CELF2: variants seen among roughly 807,000 people sequenced by gnomAD.
The protein encoded by CELF2 is CUG triplet repeat RNA-binding protein 2.
CELF2 carries 8 observed loss-of-function variants against 62.6 expected under a neutral mutation model. The observed-to-expected ratio is 0.13, with a 90% CI of 0.07 to 0.23. The LOEUF is 0.23. Ranked by LOEUF, CELF2 falls within the 10% of genes least tolerant of loss-of-function variation. The pLI is 1.00. For missense variants in CELF2, 333 were observed against 671.0 expected (o/e 0.50, Z 5.56); for synonymous variants, 258 against 250.0 (o/e 1.03, Z -0.30).
At chr10:10,601,761 A>G in the CELF2 span, among the ~76,000 whole-genome samples, 1 of 150,048 alleles carries the variant, frequency 6.7e-6, no homozygotes, top group Non-Finnish European at 1.5e-5. Context: ...TCCGGGGTAC[A>G]TGTGCAGGAT....
intron 1 of CELF2, among the ~76,000 whole-genome samples, chr10:10,894,003 G>A (rs1356734851): frequency 6.6e-6 from 1 of 152,122 alleles, no homozygotes; most frequent in African/African-American, 2.4e-5. Flanking sequence ...GAATCAGAGA[G>A]CGTTCTTGGA....
the CELF2 span, among the ~76,000 whole-genome samples, chr10:10,512,804 A>C: frequency 5.3e-5 from 8 of 152,156 alleles, no homozygotes; most frequent in Non-Finnish European, 4.4e-5. Context: ...TTGTCTCTTT[A>C]GTTCCTCTAC....
intron 1 of CELF2, among the ~76,000 whole-genome samples, chr10:11,129,378 T>C (rs891334814): frequency 6.6e-6 from 1 of 152,230 alleles, no homozygotes; most frequent in East Asian, 1.9e-4. Context: ...GGTATCAGGA[T>C]GATGCTGGCC....
Position 11,268,467 on chromosome 10 carries a change from C to G in CELF2, c.618+1790C>G, listed in dbSNP as rs1160600305. ...ACGGGAGACCATGTTCCCCTGTGTT[C>G]CTGTAGAAGGAGGACTCTGGATCAT... is the stretch of plus-strand genomic sequence containing the variant. On this transcript the variant is annotated intron_variant, in intron 6 of 12. Transcript: ENST00000633077. This position sits in a 1 kb window ranked among gnomAD's most constrained non-coding sequence, Gnocchi z 4.7. Among the ~76,000 whole-genome samples the G allele has an allele frequency of 6.6e-6, 1 of 152,108 alleles. No individual in the cohort carries two copies. The highest frequency in any genetic ancestry group is 1.5e-5 in the Non-Finnish European group (1 of 68,020).
At chr10:10,661,671 C>T in the CELF2 span, among the ~76,000 whole-genome samples, 1 of 152,112 alleles carries the variant, frequency 6.6e-6, no homozygotes, top group East Asian at 1.9e-4. Flanking sequence ...AAAGTTAGAA[C>T]ATCATCATAG....
intron 2 of CELF2, chr10:10,927,042 T>C (rs2065545512): frequency 6.6e-6 from 1 of 152,128 alleles, no homozygotes; most frequent in South Asian, 2.1e-4. Context: ...TTGACTGGCC[T>C]CTGCAGGTTG....
Position 11,211,215 on chromosome 10 carries a change from G to A in CELF2, c.272-6210G>A, listed in dbSNP as rs553411145. Reference sequence around the variant, plus strand: ...GATGACTTTAGCTCAGGAGTTCGAAGTTAAAGTGAACTATGATTGCACCAC... The same window carrying A: ...GATGACTTTAGCTCAGGAGTTCGAAATTAAAGTGAACTATGATTGCACCAC... On this transcript the variant is annotated intron_variant, in intron 2 of 12. Transcript: ENST00000633077. The surrounding 1 kb of genome is among the most constrained non-coding windows in gnomAD (Gnocchi z 4.8). Among the ~76,000 whole-genome samples the A allele has an allele frequency of 2.0e-5, 3 of 152,352 alleles. No individual in the cohort carries two copies. The South Asian group carries it at 6.2e-4, about 32-fold the overall frequency.
chr10:10,938,699 A>G lies in CELF2; in HGVS notation c.89+18700A>G, dbSNP rs1329096456. Reference sequence around the variant, plus strand: ...AAGAAGATCCTGAGACAAGAATTTGAGTCTAAGGACATGAGGGAGGGGGAT... The same window carrying G: ...AAGAAGATCCTGAGACAAGAATTTGGGTCTAAGGACATGAGGGAGGGGGAT... On this transcript the variant is annotated intron_variant, in intron 2 of 13. Transcript: ENST00000636488. The surrounding 1 kb of genome is among the most constrained non-coding windows in gnomAD (Gnocchi z 4.2). 6.6e-6 allele frequency among the ~76,000 whole-genome samples: 1 copy of G among 151,932 alleles called. No homozygotes were observed. The highest frequency in any genetic ancestry group is 2.4e-5 in the African/African-American group (1 of 41,342).
intron 1 of CELF2, among the ~76,000 whole-genome samples, chr10:11,054,066 C>T (rs1224207288): frequency 6.6e-6 from 1 of 152,034 alleles, no homozygotes; most frequent in Non-Finnish European, 1.5e-5. Flanking sequence ...GTATAATTTC[C>T]AGTATCTTTA....
chr10:10,581,897 G>A, the CELF2 span, among the ~76,000 whole-genome samples: 1 of 152,086 alleles, frequency 6.6e-6, no homozygotes, highest in Admixed American at 6.6e-5. Flanking sequence ...GCATGGTGGT[G>A]GGTGCCTGTA....
rs1304050621 is a variant in CELF2, at chr10:11,288,410, C to T, written c.842-8C>T. The T allele has an allele frequency of 1.2e-6, 2 of 1,613,774 alleles. No homozygotes were observed. The highest frequency in any genetic ancestry group is 1.3e-5 in the African/African-American group (1 of 75,044). On this transcript the variant is annotated splice_region_variant and splice_polypyrimidine_tract_variant and intron_variant, in intron 8 of 12. Coordinates refer to ENST00000633077, the MANE Select transcript of CELF2 (RefSeq NM_001326342.2). ...GTTGCTGAAAGTAACTTTCTCTTCC[C>T]TCCACAGGCATGAATGCTTTACAGT...
intron 9 of CELF2, among the ~76,000 whole-genome samples, chr10:11,299,374 C>A (rs1027498859): frequency 3.5e-5 from 5 of 141,012 alleles, no homozygotes; most frequent in African/African-American, 8.1e-5. Flanking sequence ...GACCTCTTGC[C>A]CCCTGCTACC....
intron 9 of CELF2, among the ~76,000 whole-genome samples, chr10:11,304,502 G>A (rs551934867): frequency 6.6e-6 from 1 of 152,342 alleles, no homozygotes; most frequent in South Asian, 2.1e-4. Context: ...CAGTGCATCT[G>A]GTGAGGGCCT....
upstream of CELF2, chr10:10,798,588 A>T: frequency 2.5e-6 from 1 of 395,674 alleles, no homozygotes; most frequent in Non-Finnish European, 4.4e-6. Context: ...GGGACGGAGG[A>T]GAGCGCAGGA....
At chr10:10,872,161 T>G (rs987355061) in intron 1 of CELF2, among the ~76,000 whole-genome samples, 8 of 152,184 alleles carry the variant, frequency 5.3e-5, no homozygotes, top group African/African-American at 1.9e-4. Context: ...TAGACTATGG[T>G]TGGAATCTTT....
chr10:11,282,231 T>C (rs757947936), intron 8 of CELF2, among the ~76,000 whole-genome samples: 9 of 150,412 alleles, frequency 6.0e-5, no homozygotes, highest in Non-Finnish European at 1.0e-4. Flanking sequence ...TGGATACCAA[T>C]GCACAGGAGG....
intron 2 of CELF2, among the ~76,000 whole-genome samples, chr10:11,186,812 A>G (rs1334786485): frequency 1.3e-5 from 2 of 152,202 alleles, no homozygotes; most frequent in South Asian, 2.1e-4. Context: ...TTACGGGCCC[A>G]GGCATTTTGG....
At chr10:11,021,080 T>C (rs1456559932) in intron 1 of CELF2, among the ~76,000 whole-genome samples, 2 of 152,150 alleles carry the variant, frequency 1.3e-5, no homozygotes, top group Non-Finnish European at 2.9e-5. Context: ...TGGTGGAGAG[T>C]GTTTCCTCCT....
chr10:10,713,901 G>A, the CELF2 span, among the ~76,000 whole-genome samples: 6 of 152,082 alleles, frequency 3.9e-5, no homozygotes, highest in Non-Finnish European at 5.9e-5. Flanking sequence ...TGGGTGTGGC[G>A]GCACGTGTCT....
Sources: gnomAD v4.1 joint callset for allele counts (sites outside exome capture counted in the v4.1 genomes callset) on GRCh38, gnomAD v4.1.1 for gene constraint, Gnocchi (gnomAD v3.1) non-coding constraint, MANE v1.5 for transcripts, NCBI Gene and HGNC (gene_info 2026-07-23, HGNC 2026-07-21) for gene names.